The following RANGAP1 variants were observed in gnomAD, a reference collection of about 807,000 sequenced individuals.
The protein encoded by RANGAP1 is ran GTPase-activating protein 1.
In RANGAP1, 38 loss-of-function variants were observed where a neutral mutation model predicts 63.5. The ratio of observed to expected loss-of-function variants is 0.60; its 90% CI spans 0.46 to 0.78. The LOEUF is 0.78. Among genes scored for constraint, RANGAP1 ranks in the 30% least tolerant of loss-of-function variants. The pLI is 0.00. For synonymous variants in RANGAP1, 329 were observed against 310.5 expected (o/e 1.06, Z -0.63); for missense variants, 630 against 740.3 (o/e 0.85, Z 1.73).
chr22:41,249,306 G>C (rs980820558), intron 15 of RANGAP1, 24 bp downstream of exon 15: 1 of 1,569,770 alleles, frequency 6.4e-7, no homozygotes, highest in African/African-American at 1.4e-5. Flanking sequence ...GCAGGCACCG[G>C]CAGAAGGACA....
upstream of RANGAP1, among the ~76,000 whole-genome samples, chr22:41,291,086 A>T (rs1414909321): frequency 6.6e-6 from 1 of 152,220 alleles, no homozygotes; most frequent in East Asian, 1.9e-4. Flanking sequence ...CAACTATTTA[A>T]CCTTGATAAA....
At chr22:41,302,368 A>C in the RANGAP1 span, among the ~76,000 whole-genome samples, 2 of 151,786 alleles carry the variant, frequency 1.3e-5, no homozygotes, top group Non-Finnish European at 2.9e-5. This position sits in a 1 kb window ranked among gnomAD's most constrained non-coding sequence, Gnocchi z 5.7. Context: ...GCCCGCGGGA[A>C]GGGGGCGGCA....
At chr22:41,271,544 A>T (rs1308761371) in intron 3 of RANGAP1, among the ~76,000 whole-genome samples, 1 of 151,988 alleles carries the variant, frequency 6.6e-6, no homozygotes, top group African/African-American at 2.4e-5. Flanking sequence ...AAATACAAAA[A>T]ATTAGCCGGC....
intron 15 of RANGAP1, among the ~76,000 whole-genome samples, chr22:41,246,912 G>T (rs1319218124): frequency 6.6e-6 from 1 of 152,220 alleles, no homozygotes; most frequent in Admixed American, 6.5e-5. Context: ...CCCTCAGCCA[G>T]GCTCTCCAAG....
the RANGAP1 span, chr22:41,301,798 C>CCGCGGG: frequency 6.6e-6 from 1 of 151,996 alleles, no homozygotes; most frequent in South Asian, 2.1e-4. Flanking sequence ...GGCCCGAGCC[C>CCGCGGG]CGCGGGGCAG....
intron 15 of RANGAP1, among the ~76,000 whole-genome samples, 179 bp from the exon 16 acceptor site, chr22:41,246,851 A>G (rs1184322492): frequency 6.6e-6 from 1 of 152,188 alleles, no homozygotes; most frequent in Non-Finnish European, 1.5e-5. Flanking sequence ...AGAGGCTCAG[A>G]GAGCCAGGCA....
intron 11 of RANGAP1, among the ~76,000 whole-genome samples, chr22:41,253,249 C>T (rs999174275): frequency 3.9e-5 from 6 of 152,154 alleles, no homozygotes; most frequent in Admixed American, 1.3e-4. Flanking sequence ...AAACCTGCTA[C>T]GGCCAAGTGG....
chr22:41,252,658 T>C (rs2033542904), intron 12 of RANGAP1, among the ~76,000 whole-genome samples: 1 of 152,178 alleles, frequency 6.6e-6, no homozygotes, highest in South Asian at 2.1e-4. Flanking sequence ...CGGGCTGTAC[T>C]TTCTGTAGGC....
intron 4 of RANGAP1, among the ~76,000 whole-genome samples, chr22:41,266,457 T>G (rs1039914909): frequency 1.3e-5 from 2 of 152,180 alleles, no homozygotes; most frequent in Non-Finnish European, 2.9e-5. Flanking sequence ...ATGCTAAAAT[T>G]TAGGCAAAAC....
At chr22:41,249,293 A>C (rs749495656) in intron 15 of RANGAP1, 37 bp downstream of exon 15, 37 of 1,554,030 alleles carry the variant, frequency 2.4e-5, no homozygotes, top group Admixed American at 1.3e-4. Flanking sequence ...GAAGCCCGAG[A>C]GGGCAGGCAC....
intron 8 of RANGAP1, 116 bp from the exon 9 acceptor site, chr22:41,256,406 G>T: frequency 1.0e-6 from 1 of 966,364 alleles, no homozygotes; most frequent in South Asian, 1.6e-5. Flanking sequence ...CTCCAGGTGG[G>T]GCAAAGTGGG....
At chr22:41,286,579 C>T (rs566278592), upstream of RANGAP1, among the ~76,000 whole-genome samples, 1 of 152,362 alleles carries the variant, frequency 6.6e-6, no homozygotes, top group Non-Finnish European at 1.5e-5. Flanking sequence ...TGCTGGGTCT[C>T]TTGGGCAAGA....
the RANGAP1 span, among the ~76,000 whole-genome samples, chr22:41,302,017 A>G: frequency 6.6e-6 from 1 of 152,076 alleles, no homozygotes; most frequent in Non-Finnish European, 1.5e-5. This position sits in a 1 kb window ranked among gnomAD's most constrained non-coding sequence, Gnocchi z 5.7. Context: ...GCCCTGCCCC[A>G]AAGTTTAAAA....
At chr22:41,295,162 G>A in the RANGAP1 span, among the ~76,000 whole-genome samples, 9 of 135,860 alleles carry the variant, frequency 6.6e-5, no homozygotes, top group Non-Finnish European at 1.2e-4. Flanking sequence ...GAAGTGAGGA[G>A]CCCCTCTGCC....
chr22:41,294,464 C>G, the RANGAP1 span, among the ~76,000 whole-genome samples: 1 of 151,310 alleles, frequency 6.6e-6, no homozygotes, highest in Non-Finnish European at 1.5e-5. Flanking sequence ...AGCCTCTGCC[C>G]GGCCGCCACC....
chr22:41,294,395 C>T, the RANGAP1 span, among the ~76,000 whole-genome samples: 3 of 152,154 alleles, frequency 2.0e-5, no homozygotes, highest in African/African-American at 7.2e-5. Context: ...GTGATCTCGG[C>T]TCGCTACAAC....
At chr22:41,274,536 T>C in intron 3 of RANGAP1, 64 bp downstream of exon 3, 1 of 1,596,912 alleles carries the variant, frequency 6.3e-7, no homozygotes, top group Non-Finnish European at 8.6e-7. Flanking sequence ...CAGGCAGGGG[T>C]TGTGGAAGTG....
chr22:41,252,846 C>T (rs374646554), intron 12 of RANGAP1, 26 bp downstream of exon 12: 68 of 1,553,746 alleles, frequency 4.4e-5, no homozygotes, highest in Non-Finnish European at 5.2e-5. Flanking sequence ...GCACGTACAG[C>T]GTGGGGGTCG....
chr22:41,294,028 C>T, the RANGAP1 span, among the ~76,000 whole-genome samples: 70 of 138,402 alleles, frequency 5.1e-4, no homozygotes, highest in African/African-American at 1.9e-3. Context: ...CTACTCCTCT[C>T]CCTCTCCTTC....
Sources: gnomAD v4.1 joint callset for allele counts (sites outside exome capture counted in the v4.1 genomes callset) on GRCh38, gnomAD v4.1.1 for gene constraint, Gnocchi (gnomAD v3.1) non-coding constraint, MANE v1.5 for transcripts, NCBI Gene and HGNC (gene_info 2026-07-23, HGNC 2026-07-21) for gene names.